Variants in KIAA0513 observed in about 807,000 individuals in gnomAD.
KIAA0513 encodes the protein uncharacterized protein KIAA0513.
Under a neutral mutation model 56.5 loss-of-function variants are expected in KIAA0513, and 39 were observed. The ratio of observed to expected loss-of-function variants is 0.69; its 90% CI spans 0.53 to 0.90. KIAA0513 has a LOEUF of 0.90. KIAA0513 is among the 40% of genes least tolerant of loss of function. KIAA0513 has a pLI of 0.00. For synonymous variants in KIAA0513, 268 were observed against 215.6 expected (o/e 1.24, Z -2.13); for missense variants, 591 against 535.2 (o/e 1.10, Z -1.03).
chr16:85,062,296 A>G (rs577955968), intron 1 of KIAA0513, among the ~76,000 whole-genome samples: 2 of 152,186 alleles, frequency 1.3e-5, no homozygotes, highest in Non-Finnish European at 2.9e-5. Flanking sequence ...GATGCATAGT[A>G]GATGCTCAGT....
rs140535549 is a variant in KIAA0513, at chr16:85,078,932, G to C, written c.831G>C (p.Ala277=). 19 of 1,614,024 alleles carry C rather than the reference G, an allele frequency of 1.2e-5. No individual in the cohort carries two copies. The highest frequency in any genetic ancestry group is 2.7e-5 in the African/African-American group (2 of 74,918). The change falls in exon 8 of 13, where the codon GCG becomes GCC. Residue 277 remains alanine (A), a synonymous_variant. Transcript: ENST00000683363. ...TTCTCTCTCCTCCCACAGTGACCGCGTACAGCCCCGAGGACGAAAAGAAGG... is the reference window on the plus strand; with the variant it reads ...TTCTCTCTCCTCCCACAGTGACCGCCTACAGCCCCGAGGACGAAAAGAAGG... ...PQEKRPRAVT[A]YSPEDEKKGE...
At chr16:85,061,371 G>A (rs1357928271) in intron 1 of KIAA0513, among the ~76,000 whole-genome samples, 2 of 152,146 alleles carry the variant, frequency 1.3e-5, no homozygotes, top group African/African-American at 4.8e-5. Flanking sequence ...AGGGCCCCTG[G>A]TTCTCCAGCT....
chr16:85,072,967 C>T lies in KIAA0513; in HGVS notation c.472C>T (p.Leu158=). 6.2e-7 allele frequency: 1 copy of T among 1,614,218 alleles called. No homozygotes were observed. The change falls in exon 4 of 13, where the codon CTG becomes TTG. Residue 158 remains leucine (L), a synonymous_variant. Transcript: ENST00000683363. ...TGTCTCAGAGGCAACCTTCTACCGCCTGGTGCAGTCTTTTGCAGTGGTGCT... is the reference window on the plus strand; with the variant it reads ...TGTCTCAGAGGCAACCTTCTACCGCTTGGTGCAGTCTTTTGCAGTGGTGCT... ...KCVSEATFYR[L]VQSFAVVLFE... is the part of the protein sequence containing the mutation.
chr16:85,071,347 A>G (rs2073570677), intron 2 of KIAA0513, among the ~76,000 whole-genome samples: 1 of 152,196 alleles, frequency 6.6e-6, no homozygotes, highest in Non-Finnish European at 1.5e-5. Flanking sequence ...AGACAGAGCA[A>G]ATTCAGGATG....
In KIAA0513 at chr16:85,081,907, C is replaced by T. The variant is rs1567546072; in HGVS notation, c.980+515C>T. ...ACGTGGCAGAGGGGAGGGGCTGGCA[C>T]CCACCCCACGGGGGCCGATGCCATA... On this transcript the variant is annotated intron_variant, in intron 9 of 12. Transcript: ENST00000683363. This position sits in a 1 kb window ranked among gnomAD's most constrained non-coding sequence, Gnocchi z 4.4. Among the ~76,000 whole-genome samples the T allele has an allele frequency of 1.3e-5, 2 of 152,214 alleles. No individual in the cohort carries two copies. The highest frequency in any genetic ancestry group is 6.5e-5 in the Admixed American group (1 of 15,284).
chr16:85,079,252 G>A (rs2073706747), intron 8 of KIAA0513: 3 of 706,052 alleles, frequency 4.2e-6, no homozygotes, highest in Non-Finnish European at 6.5e-6. Flanking sequence ...TTCCTTTAAA[G>A]GTGAAACACA....
intron 2 of KIAA0513, among the ~76,000 whole-genome samples, chr16:85,068,328 T>C (rs1398066473): frequency 1.3e-5 from 2 of 150,842 alleles, no homozygotes; most frequent in African/African-American, 2.5e-5. Flanking sequence ...GGCTAATTTT[T>C]GTATTTTTTT....
At chr16:85,040,314 A>G (rs559518040) in intron 1 of KIAA0513, among the ~76,000 whole-genome samples, 2 of 152,208 alleles carry the variant, frequency 1.3e-5, no homozygotes, top group East Asian at 3.9e-4. Flanking sequence ...TAGTGCAAGG[A>G]CAGCCCCCAC....
chr16:85,034,523 G>T (rs1276117368), intron 1 of KIAA0513, among the ~76,000 whole-genome samples: 1 of 152,020 alleles, frequency 6.6e-6, no homozygotes, highest in Non-Finnish European at 1.5e-5. Flanking sequence ...TATTTATGGG[G>T]TGGTTTTCGT....
intron 2 of KIAA0513, 38 bp from the exon 3 acceptor site, chr16:85,071,742 GTTT>G (rs373903661): frequency 8.6e-5 from 94 of 1,090,772 alleles, no homozygotes; most frequent in Non-Finnish European, 1.0e-4. Flanking sequence ...ATTGAAAAGG[GTTT>G]TTTTTTTTTT....
At chr16:85,059,028 C>T (rs61077521) in intron 1 of KIAA0513, among the ~76,000 whole-genome samples, 12,807 of 152,168 alleles carry the variant, frequency 0.084, 1,745 homozygotes, top group African/African-American at 0.28. Context: ...TGGACAGCAA[C>T]GCAAACACAC....
chr16:85,044,509 TA>T (rs1156316786), intron 1 of KIAA0513, among the ~76,000 whole-genome samples: 214 of 143,648 alleles, frequency 1.5e-3, no homozygotes, highest in African/African-American at 6.0e-3. Flanking sequence ...TTTTTATTTT[TA>T]TTTTTTTTTT....
chr16:85,054,768 C>T (rs1288403487), intron 1 of KIAA0513, among the ~76,000 whole-genome samples: 2 of 151,784 alleles, frequency 1.3e-5, no homozygotes, highest in Non-Finnish European at 2.9e-5. Context: ...CTGTCGCCAG[C>T]AGTGTGCCCT....
At chr16:85,056,343 C>T (rs764259791) in intron 1 of KIAA0513, among the ~76,000 whole-genome samples, 5 of 152,220 alleles carry the variant, frequency 3.3e-5, no homozygotes, top group Non-Finnish European at 7.3e-5. Context: ...GTCTTTCAAA[C>T]GCCCTGGAAG....
At chr16:85,064,857 G>A (rs1399592858) in intron 1 of KIAA0513, among the ~76,000 whole-genome samples, 1 of 152,060 alleles carries the variant, frequency 6.6e-6, no homozygotes, top group African/African-American at 2.4e-5. Flanking sequence ...GCTAATTTTT[G>A]TATTTGTAGT....
chr16:85,066,833 T>G, intron 1 of KIAA0513, 67 bp from the exon 2 acceptor site: 1 of 428,918 alleles, frequency 2.3e-6, no homozygotes, highest in South Asian at 6.4e-5. Context: ...TTCTGGGGAG[T>G]CTGTGATCTA....
At chr16:85,082,761 C>T (rs941224553) in intron 10 of KIAA0513, among the ~76,000 whole-genome samples, 168 bp downstream of exon 10, 7 of 152,292 alleles carry the variant, frequency 4.6e-5, no homozygotes, top group Non-Finnish European at 7.3e-5. Flanking sequence ...GTGAGGCCAG[C>T]GCTAGGGCAG....
At position 85,080,310 on chromosome 16, in the gene KIAA0513, T is replaced by C. The variant is rs1265141009; in HGVS notation, c.903-1005T>C. On this transcript the variant is annotated intron_variant, in intron 8 of 12. Transcript: ENST00000683363. Reference sequence around the variant, plus strand: ...TCTGTGAAAGGCCAGATAATAAATATGTTAGACTTTGCGGGCCAGATGGTC... The same window carrying C: ...TCTGTGAAAGGCCAGATAATAAATACGTTAGACTTTGCGGGCCAGATGGTC... 2.0e-5 allele frequency among the ~76,000 whole-genome samples: 3 copies of C among 152,240 alleles called. No homozygotes were observed. In the East Asian group the frequency reaches 5.8e-4, roughly 29 times the overall value.
chr16:85,086,765 G>A, intron 11 of KIAA0513, 41 bp downstream of exon 11: 2 of 1,545,372 alleles, frequency 1.3e-6, no homozygotes. Context: ...AGAGGGGGGA[G>A]GGCCCACCCT....
Sources: allele counts gnomAD v4.1 joint callset (sites outside exome capture counted in the v4.1 genomes callset), GRCh38; gene constraint gnomAD v4.1.1; non-coding constraint Gnocchi (gnomAD v3.1); transcripts MANE v1.5; gene names NCBI Gene and HGNC (gene_info 2026-07-23, HGNC 2026-07-21).